Variants in NRG1 observed in about 807,000 individuals in gnomAD.
The protein encoded by NRG1 is pro-neuregulin-1, membrane-bound isoform.
A neutral mutation model predicts 63.8 loss-of-function variants in NRG1; 18 were observed. That is an observed-to-expected ratio of 0.28 (90% CI 0.19 to 0.42). The LOEUF (loss-of-function observed/expected upper bound fraction) is 0.42. Ranked by LOEUF, NRG1 falls within the 10% of genes least tolerant of loss-of-function variation. The pLI, the probability that NRG1 is intolerant of heterozygous loss-of-function variation, is 1.00. For synonymous variants in NRG1, 302 were observed against 301.3 expected (o/e 1.00, Z -0.02); for missense variants, 762 against 814.7 (o/e 0.94, Z 0.79).
At chr8:32,761,450 G>A (rs1007248729) in intron 11 of NRG1, among the ~76,000 whole-genome samples, 9 of 152,204 alleles carry the variant, frequency 5.9e-5, no homozygotes, top group Admixed American at 4.6e-4. Flanking sequence ...GGGCTTGAAG[G>A]CCTGTTGCTT....
At chr8:31,933,342 A>G (rs1257618260) in intron 1 of NRG1, among the ~76,000 whole-genome samples, 1 of 151,584 alleles carries the variant, frequency 6.6e-6, no homozygotes, top group Non-Finnish European at 1.5e-5. Context: ...GTGCAGTGGC[A>G]CCATCTCGGC....
chr8:31,983,974 G>A (rs1036201359), intron 1 of NRG1, among the ~76,000 whole-genome samples: 3 of 152,034 alleles, frequency 2.0e-5, no homozygotes, highest in East Asian at 1.9e-4. Context: ...TTTTGATATC[G>A]TTGCTGAGTT....
intron 1 of NRG1, among the ~76,000 whole-genome samples, chr8:31,686,176 A>G (rs1218355764): frequency 6.6e-6 from 1 of 152,166 alleles, no homozygotes. Context: ...TTTGTCAAGG[A>G]TTTTACATAA....
At chr8:32,098,668 T>G (rs2131335476) in intron 1 of NRG1, 1 of 152,332 alleles carries the variant, frequency 6.6e-6, no homozygotes, top group South Asian at 2.1e-4. Context: ...AACTCTCAGT[T>G]TTTTCTTCCA....
chr8:32,242,031 G>T (rs1848150067), intron 1 of NRG1, among the ~76,000 whole-genome samples: 2 of 152,112 alleles, frequency 1.3e-5, no homozygotes, highest in African/African-American at 4.8e-5. Flanking sequence ...GGGATTACAG[G>T]TGTGAGCCTC....
intron 1 of NRG1, among the ~76,000 whole-genome samples, chr8:31,783,616 A>C (rs564677868): frequency 3.9e-5 from 6 of 151,932 alleles, no homozygotes; most frequent in Admixed American, 1.3e-4. Flanking sequence ...AAAAAAAAAA[A>C]AACAAAAAAC....
intron 1 of NRG1, among the ~76,000 whole-genome samples, chr8:31,729,214 T>C (rs2131344275): frequency 6.8e-6 from 1 of 147,706 alleles, no homozygotes. Flanking sequence ...GACTTGGAGG[T>C]GGGATTTAAA....
intron 5 of NRG1, among the ~76,000 whole-genome samples, chr8:32,653,133 G>T (rs2466054): frequency 0.16 from 20,924 of 133,066 alleles, 1,898 homozygotes; most frequent in East Asian, 0.45. Flanking sequence ...GTTTTTTTTT[G>T]TTTGTTTGTT....
At chr8:31,845,414 T>C (rs1231016162) in intron 1 of NRG1, among the ~76,000 whole-genome samples, 2 of 152,310 alleles carry the variant, frequency 1.3e-5, no homozygotes, top group Non-Finnish European at 2.9e-5. Flanking sequence ...GGACAAATAC[T>C]AGTGGTTATT....
chr8:32,243,672 C>T (rs190622448), intron 1 of NRG1, among the ~76,000 whole-genome samples: 1 of 152,186 alleles, frequency 6.6e-6, no homozygotes, highest in East Asian at 1.9e-4. Flanking sequence ...GTGGACTAAA[C>T]TTTTGTATGC....
intron 1 of NRG1, among the ~76,000 whole-genome samples, chr8:31,753,125 A>G (rs1170654727): frequency 2.0e-5 from 3 of 152,110 alleles, no homozygotes; most frequent in Admixed American, 6.6e-5. Context: ...CCCCTATGAT[A>G]TAAGGCTGAT....
At chr8:31,792,604 A>G (rs972036282) in intron 1 of NRG1, among the ~76,000 whole-genome samples, 5 of 152,236 alleles carry the variant, frequency 3.3e-5, no homozygotes, top group African/African-American at 1.2e-4. Context: ...TGTTCATTGT[A>G]GGGCTTAGTA....
At chr8:32,288,321 A>G (rs1464647241) in intron 1 of NRG1, among the ~76,000 whole-genome samples, 3 of 152,186 alleles carry the variant, frequency 2.0e-5, no homozygotes, top group Non-Finnish European at 4.4e-5. Flanking sequence ...TTTAATTCTC[A>G]GAATTGTTTC....
intron 1 of NRG1, among the ~76,000 whole-genome samples, chr8:32,427,826 AT>A (rs1227642690): frequency 1.3e-5 from 2 of 152,190 alleles, no homozygotes; most frequent in Non-Finnish European, 2.9e-5. Flanking sequence ...ATGCCTCATT[AT>A]TTATGTTGAC....
At chr8:32,388,416 C>T (rs978903283) in intron 1 of NRG1, among the ~76,000 whole-genome samples, 2 of 152,132 alleles carry the variant, frequency 1.3e-5, no homozygotes, top group African/African-American at 2.4e-5. Context: ...GTAAAATTCT[C>T]GAAACCTGGA....
chr8:31,854,350 T>A (rs1322630982), intron 1 of NRG1, among the ~76,000 whole-genome samples: 1 of 152,242 alleles, frequency 6.6e-6, no homozygotes, highest in Non-Finnish European at 1.5e-5. Flanking sequence ...GGAGAGTGTA[T>A]GTGTCCAGAA....
At chr8:32,711,411 A>G (rs1001141761) in intron 5 of NRG1, among the ~76,000 whole-genome samples, 1 of 152,126 alleles carries the variant, frequency 6.6e-6, no homozygotes, top group African/African-American at 2.4e-5. Context: ...ATCTGCATTC[A>G]TTTCTTCTCC....
chr8:32,263,282 G>A (rs1850579652), intron 1 of NRG1, among the ~76,000 whole-genome samples: 1 of 152,198 alleles, frequency 6.6e-6, no homozygotes, highest in South Asian at 2.1e-4. Context: ...AACTAACCAA[G>A]GTTACACGGA....
intron 1 of NRG1, among the ~76,000 whole-genome samples, chr8:32,464,933 G>T (rs1450922899): frequency 6.6e-6 from 1 of 152,136 alleles, no homozygotes; most frequent in East Asian, 1.9e-4. Flanking sequence ...CCGGCACTTT[G>T]GGAGGCCGAG....
Sources: gnomAD v4.1 joint callset for allele counts (sites outside exome capture counted in the v4.1 genomes callset) on GRCh38, gnomAD v4.1.1 for gene constraint, MANE v1.5 for transcripts, NCBI Gene and HGNC (gene_info 2026-07-23, HGNC 2026-07-21) for gene names.